The following GRK5 variants were observed in gnomAD, a reference collection of about 807,000 sequenced individuals.
GRK5 encodes the protein g protein-coupled receptor kinase GRK5.
A neutral mutation model predicts 78.4 loss-of-function variants in GRK5; 40 were observed. That is an observed-to-expected ratio of 0.51 (90% CI 0.40 to 0.66). The LOEUF is 0.66. GRK5 is among the 30% of genes least tolerant of loss of function. The pLI, the probability that GRK5 is intolerant of heterozygous loss-of-function variation, is 0.00. For missense variants in GRK5, 598 were observed against 759.9 expected (o/e 0.79, Z 2.50); for synonymous variants, 289 against 296.8 (o/e 0.97, Z 0.27).
At chr10:119,380,004 G>C (rs1171217555) in intron 2 of GRK5, among the ~76,000 whole-genome samples, 2 of 152,122 alleles carry the variant, frequency 1.3e-5, no homozygotes, top group Non-Finnish European at 2.9e-5. Context: ...TCCTGTCTCT[G>C]TGCCTTTAGT....
At position 119,430,235 on chromosome 10, in the gene GRK5, T is replaced by A; in HGVS notation, c.534-140T>A. ...TCCTCGAAGGTCCAGTCTCCAGCGATGATTCCTGGGGGGTCCCTGGGGCTG... is the reference window on the plus strand; with the variant it reads ...TCCTCGAAGGTCCAGTCTCCAGCGAAGATTCCTGGGGGGTCCCTGGGGCTG... On this transcript the variant is annotated intron_variant, in intron 6 of 15. Coordinates refer to ENST00000392870, the MANE Select transcript of GRK5 (RefSeq NM_005308.3). The surrounding 1 kb of genome is among the most constrained non-coding windows in gnomAD (Gnocchi z 4.5). 1.4e-6 allele frequency: 1 copy of A among 734,274 alleles called. No individual in the cohort carries two copies. The highest frequency in any genetic ancestry group is 1.6e-5 in the South Asian group (1 of 63,862). 45.5% of individuals were successfully genotyped at this position (734,274 alleles called of 1,614,324 possible). A position where few individuals can be genotyped will look rare whatever the true frequency, so the allele number is the denominator to read the frequency against.
intron 1 of GRK5, among the ~76,000 whole-genome samples, chr10:119,302,154 C>T (rs909063056): frequency 2.0e-5 from 3 of 152,210 alleles, no homozygotes; most frequent in African/African-American, 7.2e-5. Flanking sequence ...TTTAAGGTGT[C>T]ATTTACTGCT....
intron 2 of GRK5, among the ~76,000 whole-genome samples, chr10:119,367,755 G>T (rs1851473100): frequency 6.6e-6 from 1 of 152,218 alleles, no homozygotes; most frequent in Non-Finnish European, 1.5e-5. Context: ...GAGTGCACAC[G>T]CCAGGGCTGG....
At chr10:119,441,284 A>T (rs1853029495) in intron 10 of GRK5, among the ~76,000 whole-genome samples, 1 of 152,190 alleles carries the variant, frequency 6.6e-6, no homozygotes, top group African/African-American at 2.4e-5. Context: ...CCTTGCTGAC[A>T]TCTAGGCTGG....
At chr10:119,396,051 T>A (rs1255818089) in intron 3 of GRK5, among the ~76,000 whole-genome samples, 1 of 152,224 alleles carries the variant, frequency 6.6e-6, no homozygotes, top group Non-Finnish European at 1.5e-5. Flanking sequence ...CACATTATTG[T>A]TTATCCTTGC....
chr10:119,296,077 G>A (rs895565571), intron 1 of GRK5, among the ~76,000 whole-genome samples: 1 of 152,180 alleles, frequency 6.6e-6, no homozygotes, highest in Admixed American at 6.5e-5. Context: ...GAGCTAGGTG[G>A]CCCCAGGACG....
In GRK5 at chr10:119,271,643, C is replaced by T. The variant is rs535849662; in HGVS notation, c.53-54873C>T. ...TGGGCTGGTGTGTGCGGGGTTTTGTCGCCACCTTTGGCAATGGAAGAGGGG... is the reference window on the plus strand; with the variant it reads ...TGGGCTGGTGTGTGCGGGGTTTTGTTGCCACCTTTGGCAATGGAAGAGGGG... On this transcript the variant is annotated intron_variant, in intron 1 of 15. Transcript: ENST00000392870. The surrounding 1 kb of genome is among the most constrained non-coding windows in gnomAD (Gnocchi z 4.1). Among the ~76,000 whole-genome samples the T allele has an allele frequency of 5.3e-5, 8 of 152,188 alleles. No homozygotes were observed. The highest frequency in any genetic ancestry group is 2.1e-4 in the South Asian group (1 of 4,824).
intron 6 of GRK5, among the ~76,000 whole-genome samples, chr10:119,429,872 G>A (rs1852780279): frequency 6.6e-6 from 1 of 152,164 alleles, no homozygotes; most frequent in South Asian, 2.1e-4. Flanking sequence ...GAAGGAATAA[G>A]CCATGCCCAG....
At chr10:119,360,456 G>T (rs1232836453) in intron 2 of GRK5, among the ~76,000 whole-genome samples, 8 of 132,426 alleles carry the variant, frequency 6.0e-5, no homozygotes, top group Admixed American at 5.9e-4. Context: ...GAGCCTGTGT[G>T]AGTGGGAGGA....
intron 2 of GRK5, among the ~76,000 whole-genome samples, chr10:119,356,399 T>A (rs1160344714): frequency 6.6e-6 from 1 of 152,216 alleles, no homozygotes; most frequent in African/African-American, 2.4e-5. Flanking sequence ...CTTGGACTTA[T>A]AAGAAATAAT....
At position 119,348,068 on chromosome 10, in the gene GRK5, G is replaced by A. The variant is rs1380553294; in HGVS notation, c.148+21457G>A. ...TCAAGGACAGGGCCGTGTCTCAGTCGCCAGTGCCCCAGTGTGTAGCACAGT... is the reference window on the plus strand; with the variant it reads ...TCAAGGACAGGGCCGTGTCTCAGTCACCAGTGCCCCAGTGTGTAGCACAGT... On this transcript the variant is annotated intron_variant, in intron 2 of 15. Coordinates refer to ENST00000392870, the MANE Select transcript of GRK5 (RefSeq NM_005308.3). Among the ~76,000 whole-genome samples, 3 of 152,318 alleles carry A rather than the reference G, an allele frequency of 2.0e-5. No individual in the cohort carries two copies. In the East Asian group the frequency reaches 5.8e-4, roughly 29 times the overall value.
intron 1 of GRK5, among the ~76,000 whole-genome samples, chr10:119,309,093 C>T (rs2133734798): frequency 6.6e-6 from 1 of 152,330 alleles, no homozygotes; most frequent in African/African-American, 2.4e-5. Context: ...TGCCACATCC[C>T]TGCAGGGCTG....
intron 1 of GRK5, among the ~76,000 whole-genome samples, chr10:119,242,698 A>G: frequency 6.6e-6 from 1 of 151,882 alleles, no homozygotes; most frequent in Non-Finnish European, 1.5e-5. Flanking sequence ...GTTCTTGTGA[A>G]CTATCTTGTG....
At chr10:119,211,985 A>G (rs1209874663) in intron 1 of GRK5, among the ~76,000 whole-genome samples, 3 of 152,212 alleles carry the variant, frequency 2.0e-5, no homozygotes, top group Admixed American at 1.3e-4. Flanking sequence ...AAGCCCTCTT[A>G]TGGCTATGTG....
At chr10:119,339,132 G>A (rs1287109179) in intron 2 of GRK5, among the ~76,000 whole-genome samples, 1 of 152,244 alleles carries the variant, frequency 6.6e-6, no homozygotes, top group Non-Finnish European at 1.5e-5. Context: ...AGTGGATGAT[G>A]TTTGGCGAGC....
At chr10:119,220,072 A>G (rs1848635349) in intron 1 of GRK5, among the ~76,000 whole-genome samples, 1 of 152,244 alleles carries the variant, frequency 6.6e-6, no homozygotes, top group Admixed American at 6.5e-5. Context: ...GCTGGATCCA[A>G]TTAAGACAAG....
At chr10:119,228,652 C>T (rs1848780150) in intron 1 of GRK5, among the ~76,000 whole-genome samples, 2 of 151,994 alleles carry the variant, frequency 1.3e-5, no homozygotes, top group Admixed American at 6.6e-5. Flanking sequence ...TTATGGAGAC[C>T]TATTCTTATT....
At chr10:119,256,280 C>A (rs1849284515) in intron 1 of GRK5, among the ~76,000 whole-genome samples, 1 of 152,168 alleles carries the variant, frequency 6.6e-6, no homozygotes, top group African/African-American at 2.4e-5. Flanking sequence ...TGGGCGGACC[C>A]CCCCACACAC....
chr10:119,451,421 C>A (rs987813353), intron 13 of GRK5, among the ~76,000 whole-genome samples: 1 of 152,094 alleles, frequency 6.6e-6, no homozygotes, highest in African/African-American at 2.4e-5. Flanking sequence ...GTGAGCTTGA[C>A]CTGGCACCCC....
Sources: allele counts gnomAD v4.1 joint callset (sites outside exome capture counted in the v4.1 genomes callset), GRCh38; gene constraint gnomAD v4.1.1; non-coding constraint Gnocchi (gnomAD v3.1); transcripts MANE v1.5; gene names NCBI Gene and HGNC (gene_info 2026-07-23, HGNC 2026-07-21).